The following TCF7L2 variants were observed in gnomAD, a reference collection of about 807,000 sequenced individuals.
TCF7L2 encodes transcription factor 7 like 2.
TCF7L2 carries 23 observed loss-of-function variants against 77.9 expected under a neutral mutation model. That is an observed-to-expected ratio of 0.30 (90% CI 0.21 to 0.42). The LOEUF is 0.42. Ranked by LOEUF, TCF7L2 falls within the 10% of genes least tolerant of loss-of-function variation. The pLI is 1.00. For missense variants in TCF7L2, 654 were observed against 793.1 expected, an observed-to-expected ratio of 0.82 and a Z score of 2.11; for synonymous variants, 413 against 340.2, an observed-to-expected ratio of 1.21 and a Z score of -2.36.
chr10:113,127,640 A>G (rs1054033261), intron 5 of TCF7L2, among the ~76,000 whole-genome samples: 7 of 151,818 alleles, frequency 4.6e-5, no homozygotes, highest in Admixed American at 3.9e-4. Flanking sequence ...ACTTTGCAGC[A>G]CTTGATCACC....
intron 3 of TCF7L2, among the ~76,000 whole-genome samples, chr10:112,963,919 T>C (rs1208781645): frequency 6.6e-6 from 1 of 152,132 alleles, no homozygotes; most frequent in Non-Finnish European, 1.5e-5. Flanking sequence ...TGGCCCTCTC[T>C]TTGGGGAAGT....
chr10:113,029,583 A>G (rs1366029184), intron 4 of TCF7L2, among the ~76,000 whole-genome samples: 4 of 148,592 alleles, frequency 2.7e-5, no homozygotes, highest in Non-Finnish European at 4.4e-5. Flanking sequence ...CTTGAGTGCA[A>G]TGGCGTGATC....
chr10:113,149,353 T>A (rs901242401), intron 8 of TCF7L2, among the ~76,000 whole-genome samples: 8 of 152,234 alleles, frequency 5.3e-5, no homozygotes, highest in African/African-American at 1.7e-4. Context: ...CTTGTATTGT[T>A]GTTATTTTTA....
At chr10:113,063,292 C>A (rs1179414337) in intron 5 of TCF7L2, among the ~76,000 whole-genome samples, 2 of 152,168 alleles carry the variant, frequency 1.3e-5, no homozygotes, top group African/African-American at 4.8e-5. Context: ...TAGGCTAATG[C>A]TTATATTTAC....
intron 5 of TCF7L2, among the ~76,000 whole-genome samples, chr10:113,105,991 A>G (rs1035988946): frequency 1.3e-5 from 2 of 152,232 alleles, no homozygotes; most frequent in Admixed American, 1.3e-4. Flanking sequence ...CCTGTGGGTA[A>G]GGAGATAGTA....
rs535640460 is a variant in TCF7L2 at position 112,958,202 on chromosome 10, T to C, written c.382-6354T>C. Among the ~76,000 whole-genome samples, 3 of 152,316 alleles carry C rather than the reference T, an allele frequency of 2.0e-5. No individual in the cohort carries two copies. In the South Asian group the frequency reaches 6.2e-4, roughly 32 times the overall value. On this transcript the variant is annotated intron_variant, in intron 3 of 13. Coordinates refer to ENST00000627217, the MANE Select transcript of TCF7L2 (RefSeq NM_001146274.2). The stretch of plus-strand genomic sequence containing the variant: ...TTCGGGCTAGTAATTCGACCTGTTA[T>C]ATTTTATTCTTTTTGTCATGCAGTA...
chr10:113,032,285 C>G (rs2050372059), intron 4 of TCF7L2, among the ~76,000 whole-genome samples: 2 of 152,194 alleles, frequency 1.3e-5, no homozygotes, highest in African/African-American at 4.8e-5. Context: ...ACTAACCTGT[C>G]AAATGCAGAA....
At chr10:113,081,906 C>T (rs564320993) in intron 5 of TCF7L2, among the ~76,000 whole-genome samples, 4 of 152,290 alleles carry the variant, frequency 2.6e-5, no homozygotes, top group South Asian at 2.1e-4. Flanking sequence ...GGCATGATCT[C>T]GGCTCACTGC....
chr10:113,001,556 C>G (rs981646895), intron 4 of TCF7L2, among the ~76,000 whole-genome samples: 6 of 151,822 alleles, frequency 4.0e-5, no homozygotes, highest in Non-Finnish European at 8.8e-5. Flanking sequence ...GAGGACTACT[C>G]TAAACTTTAC....
chr10:112,950,615 C>A lies in TCF7L2; in HGVS notation c.-142C>A. The A allele has an allele frequency of 1.1e-6, 1 of 903,824 alleles. No homozygotes were observed. The highest frequency in any genetic ancestry group is 1.6e-6 in the Non-Finnish European group (1 of 612,058). The allele number at this position is 903,824 out of a possible 1,614,324, so 56.0% of individuals were successfully genotyped here. On this transcript the variant is annotated 5_prime_UTR_variant, in exon 1 of 14. Coordinates refer to ENST00000627217, the MANE Select transcript of TCF7L2 (RefSeq NM_001146274.2). ...CCCCTCCCCAGGAGAAAAAGACCCC[C>A]AAGCAGAAAAAAGTTCACCTTGGAC...
At chr10:112,980,643 A>G (rs1186464493) in intron 4 of TCF7L2, among the ~76,000 whole-genome samples, 1 of 147,016 alleles carries the variant, frequency 6.8e-6, no homozygotes, top group Non-Finnish European at 1.5e-5. Flanking sequence ...TTTTTTTTTG[A>G]AACGGAGTCT....
chr10:113,120,828 G>T (rs2136281734), intron 5 of TCF7L2, among the ~76,000 whole-genome samples: 1 of 152,290 alleles, frequency 6.6e-6, no homozygotes, highest in African/African-American at 2.4e-5. Flanking sequence ...GAAGTATGAG[G>T]CCAAGAGCAG....
chr10:113,151,414 G>C lies in TCF7L2; in HGVS notation c.1001+291G>C, dbSNP rs554714460. 1.7e-4 allele frequency among the ~76,000 whole-genome samples: 26 copies of C among 152,028 alleles called. No homozygotes were observed. Among genetic ancestry groups the C allele is most frequent in the Non-Finnish European group, 3.5e-4 (24 of 68,022 alleles). On this transcript the variant is annotated intron_variant, in intron 9 of 13. Coordinates refer to ENST00000627217, the MANE Select transcript of TCF7L2 (RefSeq NM_001146274.2). The surrounding 1 kb of genome is among the most constrained non-coding windows in gnomAD (Gnocchi z 5.2). ...CCCTAACCGCATCATTGAACATTTA[G>C]AGCTTTGTTCTGCAAGCAGGAGAAA...
chr10:113,075,735 TC>T (rs1200909286), intron 5 of TCF7L2, among the ~76,000 whole-genome samples: 3 of 152,202 alleles, frequency 2.0e-5, no homozygotes, highest in Admixed American at 6.5e-5. Context: ...TGGGTTTAGA[TC>T]CTACCTGGTT....
intron 4 of TCF7L2, among the ~76,000 whole-genome samples, chr10:112,966,864 T>C (rs1398402079): frequency 6.6e-6 from 1 of 152,164 alleles, no homozygotes; most frequent in African/African-American, 2.4e-5. Context: ...GAACAGGTAG[T>C]ATTGTTCTCT....
chr10:113,091,587 C>T (rs750186607), intron 5 of TCF7L2, among the ~76,000 whole-genome samples: 3 of 152,104 alleles, frequency 2.0e-5, no homozygotes, highest in Non-Finnish European at 2.9e-5. Flanking sequence ...CGTGGTGGCG[C>T]GTGCCCGTAC....
intron 5 of TCF7L2, among the ~76,000 whole-genome samples, chr10:113,082,135 T>G (rs945717337): frequency 3.3e-5 from 5 of 151,464 alleles, no homozygotes; most frequent in African/African-American, 1.2e-4. Context: ...ACTACCATTT[T>G]TTTTTTTTTT....
At chr10:112,994,588 A>G (rs1015838009) in intron 4 of TCF7L2, among the ~76,000 whole-genome samples, 1 of 152,244 alleles carries the variant, frequency 6.6e-6, no homozygotes, top group African/African-American at 2.4e-5. Flanking sequence ...GTCATATAAT[A>G]AATAACTGTT....
intron 5 of TCF7L2, chr10:113,089,452 C>G (rs200626286): frequency 2.0e-5 from 32 of 1,613,760 alleles, no homozygotes; most frequent in Non-Finnish European, 1.9e-5. Flanking sequence ...TTCTACCCCC[C>G]CTCAGACTTC....
Sources: allele counts gnomAD v4.1 joint callset (sites outside exome capture counted in the v4.1 genomes callset), GRCh38; gene constraint gnomAD v4.1.1; non-coding constraint Gnocchi (gnomAD v3.1); transcripts MANE v1.5; gene names NCBI Gene and HGNC (gene_info 2026-07-23, HGNC 2026-07-21).